Variants in ANKRD55 observed in about 807,000 individuals in gnomAD.
ANKRD55 encodes ankyrin repeat domain-containing protein 55.
In ANKRD55, 41 loss-of-function variants were observed where a neutral mutation model predicts 60.6. The observed-to-expected ratio is 0.68, with a 90% confidence interval of 0.53 to 0.88. The LOEUF (loss-of-function observed/expected upper bound fraction) is 0.88. Among genes scored for constraint, ANKRD55 ranks in the 40% least tolerant of loss-of-function variants. ANKRD55 has a pLI of 0.00. For missense variants in ANKRD55, 732 were observed against 767.6 expected (o/e 0.95, Z 0.55); for synonymous variants, 264 against 290.3 (o/e 0.91, Z 0.92).
chr5:56,195,247 T>G (rs950438774), intron 2 of ANKRD55, among the ~76,000 whole-genome samples: 1 of 152,256 alleles, frequency 6.6e-6, no homozygotes, highest in Non-Finnish European at 1.5e-5. Context: ...TTTTAGTGAC[T>G]CTGTTTAAAG....
chr5:56,166,158 T>TTTCTTTCTTTCTTCCTTCC (rs1554040812), intron 5 of ANKRD55, among the ~76,000 whole-genome samples: 836 of 72,412 alleles, frequency 0.012, 45 homozygotes, highest in Non-Finnish European at 0.015. Flanking sequence ...TTCTTTCTTC[T>TTTCTTTCTTTCTTCCTTCC]TTCCTTCCTT....
intron 10 of ANKRD55, 142 bp downstream of exon 10, chr5:56,110,976 G>T: frequency 2.1e-6 from 2 of 933,384 alleles, no homozygotes; most frequent in Non-Finnish European, 3.2e-6. Flanking sequence ...AGTGCACTTT[G>T]GGAGAAAAGG....
chr5:56,206,426 A>G (rs1487310818), intron 2 of ANKRD55, among the ~76,000 whole-genome samples: 2 of 152,244 alleles, frequency 1.3e-5, no homozygotes, highest in Admixed American at 1.3e-4. Flanking sequence ...ACAGATAAGA[A>G]GAAAATATAA....
At chr5:56,195,697 G>T (rs1236658190) in intron 2 of ANKRD55, among the ~76,000 whole-genome samples, 1 of 152,110 alleles carries the variant, frequency 6.6e-6, no homozygotes, top group African/African-American at 2.4e-5. Context: ...ACCCATCTCC[G>T]CCTCCCAAAG....
chr5:56,102,270 A>T (rs1302720251), intron 11 of ANKRD55, among the ~76,000 whole-genome samples: 1 of 152,062 alleles, frequency 6.6e-6, no homozygotes, highest in Non-Finnish European at 1.5e-5. Context: ...GGCGCCTGTA[A>T]TCCCAGCTAC....
At chr5:56,166,086 TTTTCTTTCTTTCTTTCTTTC>T (rs754266953) in intron 5 of ANKRD55, among the ~76,000 whole-genome samples, 1 of 91,772 alleles carries the variant, frequency 1.1e-5, no homozygotes, top group Non-Finnish European at 2.5e-5. Context: ...TTTCTTTTCT[TTTTCTTTCTTTCTTTCTTTC>T]TTTCTTTCTT....
At position 56,127,058 on chromosome 5, in the gene ANKRD55, G is replaced by GC. The variant is rs753495263; in HGVS notation, c.660dup (p.Pro221AlafsTer7). 1 of 1,613,344 alleles carries GC rather than the reference G, an allele frequency of 6.2e-7. No individual in the cohort carries two copies. The highest frequency in any genetic ancestry group is 8.5e-7 in the Non-Finnish European group (1 of 1,179,740). ...TCATCATCATAGTTGATTATGGACG[G>GC]CCCCTGGTGATGGCTCAGAATGATG... On this transcript the variant is annotated frameshift_variant, in exon 8 of 12. Transcript: ENST00000341048. LOFTEE classifies it high-confidence loss of function.
Position 56,111,368 on chromosome 5 carries a change from G to T in ANKRD55, c.1380C>A (p.Ser460Arg). The change falls in exon 10 of 12, where the codon AGC becomes AGA. Residue 460 changes from serine (S) to arginine (R), a missense_variant. Coordinates refer to ENST00000341048, the MANE Select transcript of ANKRD55 (RefSeq NM_024669.3). ...SHRATSHAGL[S>R]SAPHHMAQRS... ...GCTGGGCCATATGATGAGGAGCAGAGCTCAGGCCTGCATGGGAAGTGGCCC... is the reference window on the plus strand; with the variant it reads ...GCTGGGCCATATGATGAGGAGCAGATCTCAGGCCTGCATGGGAAGTGGCCC... The T allele has an allele frequency of 6.2e-7, 1 of 1,614,184 alleles. No individual in the cohort carries two copies. The highest frequency in any genetic ancestry group is 8.5e-7 in the Non-Finnish European group (1 of 1,180,048).
chr5:56,225,235 C>G (rs533802151), intron 2 of ANKRD55, among the ~76,000 whole-genome samples: 2 of 152,110 alleles, frequency 1.3e-5, no homozygotes, highest in Non-Finnish European at 2.9e-5. Context: ...ACAAAAACCA[C>G]GTGATTATCT....
chr5:56,225,146 G>A (rs1760076006), intron 2 of ANKRD55, among the ~76,000 whole-genome samples: 1 of 152,122 alleles, frequency 6.6e-6, no homozygotes, highest in Admixed American at 6.5e-5. Context: ...TGATCAAGTT[G>A]GCTTCATCCC....
chr5:56,135,355 C>CTT (rs34780433), intron 7 of ANKRD55, among the ~76,000 whole-genome samples: 2 of 52,268 alleles, frequency 3.8e-5, no homozygotes, highest in African/African-American at 1.6e-4. Flanking sequence ...TTCTTTCTTT[C>CTT]TTTCTTTCTT....
At chr5:56,106,541 A>C (rs1756483935) in intron 10 of ANKRD55, among the ~76,000 whole-genome samples, 1 of 149,278 alleles carries the variant, frequency 6.7e-6, no homozygotes, top group Non-Finnish European at 1.5e-5. Flanking sequence ...CTCCCACCTC[A>C]GCCTCCACAG....
intron 3 of ANKRD55, among the ~76,000 whole-genome samples, chr5:56,183,271 C>A (rs1489770362): frequency 6.6e-6 from 1 of 152,184 alleles, no homozygotes; most frequent in Non-Finnish European, 1.5e-5. Context: ...CCAAAAGTAG[C>A]CTGCTCTTTC....
At chr5:56,176,326 T>A (rs369441499) in intron 3 of ANKRD55, 44 bp from the exon 4 acceptor site, 38 of 1,612,224 alleles carry the variant, frequency 2.4e-5, no homozygotes, top group Admixed American at 5.0e-5. Flanking sequence ...GTGTGACCCA[T>A]GAAACTGATG....
In ANKRD55 at chr5:56,099,888, T is replaced by C. The variant is rs114267895; in HGVS notation, c.*295A>G. On this transcript the variant is annotated 3_prime_UTR_variant, in exon 12 of 12. Coordinates refer to ENST00000341048, the MANE Select transcript of ANKRD55 (RefSeq NM_024669.3). ...AACAATAACAAAAAAACAGTGCACA[T>C]GCCACAAAGCAAACCAAACATAGCT... The C allele has an allele frequency of 2.3e-3, 569 of 251,676 alleles. 4 individuals are homozygous for C. The highest frequency in any genetic ancestry group is 0.012 in the African/African-American group (523 of 44,814). 15.6% of individuals were successfully genotyped at this position (251,676 alleles called of 1,614,324 possible). A position where few individuals can be genotyped will look rare whatever the true frequency, so the allele number is the denominator to read the frequency against.
At chr5:56,172,195 T>C (rs930640375) in intron 4 of ANKRD55, among the ~76,000 whole-genome samples, 3 of 151,976 alleles carry the variant, frequency 2.0e-5, no homozygotes, top group Non-Finnish European at 4.4e-5. Flanking sequence ...AAGAACCTTT[T>C]GGTTTTGAAA....
chr5:56,173,606 A>ATG (rs1209302795), intron 4 of ANKRD55, among the ~76,000 whole-genome samples: 1 of 128,504 alleles, frequency 7.8e-6, no homozygotes, highest in East Asian at 2.3e-4. Context: ...ATATATATAT[A>ATG]TCTTGGCTCA....
Position 56,137,059 on chromosome 5 carries a change from G to A in ANKRD55, c.612+6742C>T, listed in dbSNP as rs1757623181. On this transcript the variant is annotated intron_variant, in intron 7 of 11. Coordinates refer to ENST00000341048, the MANE Select transcript of ANKRD55 (RefSeq NM_024669.3). Reference sequence around the variant, plus strand: ...GTTCAAGTCTTCGTGTTCACTTTACGAACACTTGTGAAATGCCCAGGCCAT... The same window carrying A: ...GTTCAAGTCTTCGTGTTCACTTTACAAACACTTGTGAAATGCCCAGGCCAT... 7 of 808,724 alleles carry A rather than the reference G, an allele frequency of 8.7e-6. No individual in the cohort carries two copies. In the South Asian group the frequency reaches 9.4e-5, roughly 11 times the overall value. The allele number at this position is 808,724 out of a possible 1,614,324, so 50.1% of individuals were successfully genotyped here.
chr5:56,172,106 G>A lies in ANKRD55; in HGVS notation c.313-1303C>T, dbSNP rs1479189794. ...TGCACTCCAACCTGGGCGACAGAAC[G>A]AGACTCTGTCTCAAGAAAAAAAAAA... On this transcript the variant is annotated intron_variant, in intron 4 of 11. Transcript: ENST00000341048. 6.1e-5 allele frequency among the ~76,000 whole-genome samples: 9 copies of A among 147,214 alleles called. No individual in the cohort carries two copies. The South Asian group carries it at 8.5e-4, about 14-fold the overall frequency.
Sources: allele counts gnomAD v4.1 joint callset (sites outside exome capture counted in the v4.1 genomes callset), GRCh38; gene constraint gnomAD v4.1.1; transcripts MANE v1.5; gene names NCBI Gene and HGNC (gene_info 2026-07-23, HGNC 2026-07-21).